ADCY2: variants seen among roughly 807,000 people sequenced by gnomAD.
ADCY2 encodes adenylate cyclase type 2.
Under a neutral mutation model 125.2 loss-of-function variants are expected in ADCY2, and 31 were observed. The ratio of observed to expected loss-of-function variants is 0.25; its 90% CI spans 0.19 to 0.33. The LOEUF (loss-of-function observed/expected upper bound fraction) is 0.33. Ranked by LOEUF, ADCY2 falls within the 10% of genes least tolerant of loss-of-function variation. The pLI, the probability that ADCY2 is intolerant of heterozygous loss-of-function variation, is 1.00. For missense variants in ADCY2, 904 were observed against 1,418.2 expected, an observed-to-expected ratio of 0.64 and a Z score of 5.82; for synonymous variants, 512 against 548.4, an observed-to-expected ratio of 0.93 and a Z score of 0.93.
At chr5:7,728,363 G>A (rs1389054869) in intron 14 of ADCY2, among the ~76,000 whole-genome samples, 1 of 152,174 alleles carries the variant, frequency 6.6e-6, no homozygotes, top group African/African-American at 2.4e-5. Flanking sequence ...GTAGAGTGGT[G>A]AAAGTTTTGT....
chr5:7,791,051 T>G (rs6882806), intron 20 of ADCY2, among the ~76,000 whole-genome samples: 2,445 of 137,460 alleles, frequency 0.018, 61 homozygotes, highest in African/African-American at 0.054. Context: ...AGTTTTTTTT[T>G]GGGGGGGTGT....
intron 5 of ADCY2, among the ~76,000 whole-genome samples, chr5:7,693,488 G>A (rs936881395): frequency 5.6e-5 from 8 of 143,004 alleles, no homozygotes; most frequent in African/African-American, 1.8e-4. Flanking sequence ...GTGCAATCTC[G>A]GCTCACTGCA....
At chr5:7,646,836 AG>A (rs1426903135) in intron 4 of ADCY2, among the ~76,000 whole-genome samples, 5 of 152,218 alleles carry the variant, frequency 3.3e-5, no homozygotes, top group Admixed American at 3.3e-4. Flanking sequence ...AGCAAGGCAT[AG>A]GGTGGAGAAT....
At chr5:7,817,063 T>A in intron 23 of ADCY2, 83 bp downstream of exon 23, 1 of 1,056,312 alleles carries the variant, frequency 9.5e-7, no homozygotes, top group Non-Finnish European at 1.4e-6. Context: ...TGATGATCCT[T>A]TCAGTGTTGG....
At chr5:7,693,426 T>TTG (rs1740784110) in intron 5 of ADCY2, among the ~76,000 whole-genome samples, 1 of 139,682 alleles carries the variant, frequency 7.2e-6, no homozygotes, top group African/African-American at 2.6e-5. Context: ...TTTTTTTTTT[T>TTG]TTTTTTTTTT....
At chr5:7,632,515 T>G (rs928407016) in intron 4 of ADCY2, among the ~76,000 whole-genome samples, 2 of 152,172 alleles carry the variant, frequency 1.3e-5, no homozygotes, top group African/African-American at 4.8e-5. Context: ...GGTTATTGCT[T>G]TTATCTCAAC....
chr5:7,779,511 C>T (rs1428397362), intron 18 of ADCY2, among the ~76,000 whole-genome samples: 1 of 152,084 alleles, frequency 6.6e-6, no homozygotes, highest in Non-Finnish European at 1.5e-5. Flanking sequence ...AAAAGGAAAC[C>T]ACAACTGCAT....
chr5:7,787,865 G>A (rs573522326), intron 19 of ADCY2, among the ~76,000 whole-genome samples: 23 of 152,082 alleles, frequency 1.5e-4, no homozygotes, highest in African/African-American at 4.1e-4. Context: ...CTAGCATGGC[G>A]CATGGAAACC....
At chr5:7,646,557 G>T (rs989655026) in intron 4 of ADCY2, among the ~76,000 whole-genome samples, 1 of 152,118 alleles carries the variant, frequency 6.6e-6, no homozygotes, top group Non-Finnish European at 1.5e-5. Context: ...ACAAGGACAA[G>T]ACCTCTCCTT....
chr5:7,417,865 C>T (rs1050234047), intron 2 of ADCY2, among the ~76,000 whole-genome samples: 10 of 152,340 alleles, frequency 6.6e-5, no homozygotes, highest in Admixed American at 1.3e-4. Flanking sequence ...TATCCTTACC[C>T]TTAGCAGAAT....
At chr5:7,684,321 T>G (rs552829179) in intron 4 of ADCY2, among the ~76,000 whole-genome samples, 1 of 152,190 alleles carries the variant, frequency 6.6e-6, no homozygotes, top group Non-Finnish European at 1.5e-5. Flanking sequence ...CTGTGCCTAT[T>G]CCAGGGAGCA....
chr5:7,566,871 G>A lies in ADCY2; in HGVS notation c.570+45972G>A, dbSNP rs10039904. 5.4e-3 allele frequency among the ~76,000 whole-genome samples: 819 copies of A among 152,250 alleles called. 4 individuals are homozygous for A. Among genetic ancestry groups the A allele is most frequent in the African/African-American group, 0.019 (769 of 41,550 alleles). On this transcript the variant is annotated intron_variant, in intron 3 of 24. Coordinates refer to ENST00000338316, the MANE Select transcript of ADCY2 (RefSeq NM_020546.3). ...AATATCATAGTGTTTTGGCCTGGGGGGGAGGTATTAAAATGGCTAAGAAAA... is the reference window on the plus strand; with the variant it reads ...AATATCATAGTGTTTTGGCCTGGGGAGGAGGTATTAAAATGGCTAAGAAAA...
At chr5:7,706,638 C>T (rs574535301) in intron 7 of ADCY2, 106 bp from the exon 8 acceptor site, 20 of 1,353,870 alleles carry the variant, frequency 1.5e-5, no homozygotes, top group East Asian at 9.2e-5. Flanking sequence ...TGGTCATTTC[C>T]GACAGTTTGA....
Position 7,709,124 on chromosome 5 carries a change from T to C in ADCY2, c.1402-87T>C. 2.1e-5 allele frequency: 28 copies of C among 1,321,132 alleles called. No individual in the cohort carries two copies. The highest frequency in any genetic ancestry group is 2.7e-5 in the Non-Finnish European group (27 of 1,000,330). 81.8% of individuals were successfully genotyped at this position (1,321,132 alleles called of 1,614,324 possible). On this transcript the variant is annotated intron_variant, in intron 9 of 24. Transcript: ENST00000338316. This position sits in a 1 kb window ranked among gnomAD's most constrained non-coding sequence, Gnocchi z 4.4. ...GCGAATAGAGGGCTGTCAGGAGGAA[T>C]GACCCTAGTCCAATGAGGTCGATGC...
chr5:7,603,290 A>G (rs1342536043), intron 3 of ADCY2, among the ~76,000 whole-genome samples: 2 of 152,042 alleles, frequency 1.3e-5, no homozygotes, highest in African/African-American at 4.8e-5. Flanking sequence ...GGGGTGGGAA[A>G]GGTCTTGAAG....
At chr5:7,654,233 C>A in intron 4 of ADCY2, 1 of 441,000 alleles carries the variant, frequency 2.3e-6, no homozygotes, top group South Asian at 1.6e-5. Context: ...GCCCAGTAGA[C>A]AGGGTTTCAG....
At chr5:7,581,255 G>T (rs1419298403) in intron 3 of ADCY2, among the ~76,000 whole-genome samples, 1 of 152,066 alleles carries the variant, frequency 6.6e-6, no homozygotes, top group Non-Finnish European at 1.5e-5. Context: ...TGTAATATTT[G>T]CATTGTAATA....
intron 3 of ADCY2, among the ~76,000 whole-genome samples, chr5:7,624,691 G>A (rs1252531747): frequency 6.6e-6 from 1 of 152,232 alleles, no homozygotes; most frequent in Admixed American, 6.5e-5. Flanking sequence ...TGAAGATTTA[G>A]AAATAAAATT....
At chr5:7,763,124 C>T (rs1292400603) in intron 16 of ADCY2, among the ~76,000 whole-genome samples, 1 of 151,502 alleles carries the variant, frequency 6.6e-6, no homozygotes, top group Non-Finnish European at 1.5e-5. Context: ...GACGGAGTCT[C>T]GTTCTGTCGC....
Sources: gnomAD v4.1 joint callset for allele counts (sites outside exome capture counted in the v4.1 genomes callset) on GRCh38, gnomAD v4.1.1 for gene constraint, Gnocchi (gnomAD v3.1) non-coding constraint, MANE v1.5 for transcripts, NCBI Gene and HGNC (gene_info 2026-07-23, HGNC 2026-07-21) for gene names.